IPO11: variants seen among roughly 807,000 people sequenced by gnomAD.
The protein encoded by IPO11 is importin 11, also known as importin-11.
Under a neutral mutation model 143.2 loss-of-function variants are expected in IPO11, and 66 were observed. The ratio of observed to expected loss-of-function variants is 0.46; its 90% CI spans 0.38 to 0.57. The LOEUF (loss-of-function observed/expected upper bound fraction) is 0.57, where lower values mean the gene tolerates loss of function less well. IPO11 is among the 20% of genes least tolerant of loss of function. The pLI is 0.00. For synonymous variants in IPO11, 385 were observed against 377.8 expected, an observed-to-expected ratio of 1.02 and a Z score of -0.22; for missense variants, 1,026 against 1,141.0, an observed-to-expected ratio of 0.90 and a Z score of 1.45.
intron 16 of IPO11, among the ~76,000 whole-genome samples, chr5:62,495,317 G>A (rs528530757): frequency 6.6e-6 from 1 of 152,138 alleles, no homozygotes; most frequent in South Asian, 2.1e-4. Flanking sequence ...AATAACTTTA[G>A]AATAAAGCAT....
chr5:62,623,620 A>C (rs892825612), intron 29 of IPO11, among the ~76,000 whole-genome samples: 4 of 144,366 alleles, frequency 2.8e-5, no homozygotes, highest in Non-Finnish European at 4.6e-5. Context: ...TTCTATGGGT[A>C]TTTCTTTCTT....
chr5:62,608,192 A>C (rs1745797789), intron 29 of IPO11, among the ~76,000 whole-genome samples: 1 of 152,028 alleles, frequency 6.6e-6, no homozygotes. Context: ...CTTCCTTACT[A>C]ATCATTCCTT....
chr5:62,444,883 G>C (rs1416969851), intron 3 of IPO11, among the ~76,000 whole-genome samples: 2 of 150,842 alleles, frequency 1.3e-5, no homozygotes, highest in South Asian at 2.1e-4. Flanking sequence ...GAGAGAGAGA[G>C]AGACATATAT....
chr5:62,488,302 TA>T (rs1264451974), intron 13 of IPO11, among the ~76,000 whole-genome samples: 1 of 152,258 alleles, frequency 6.6e-6, no homozygotes, highest in Non-Finnish European at 1.5e-5. Flanking sequence ...ATTATCTGCC[TA>T]TTAACTAACA....
chr5:62,437,135 AAGAT>A (rs2112131091), intron 1 of IPO11, 135 bp from the exon 2 acceptor site: 1 of 557,814 alleles, frequency 1.8e-6, no homozygotes, highest in African/African-American at 1.9e-5. Flanking sequence ...ATACTTAGAA[AAGAT>A]AGAAAGGCAG....
intron 5 of IPO11, among the ~76,000 whole-genome samples, chr5:62,454,493 CTA>C (rs1745055337): frequency 6.6e-6 from 1 of 152,172 alleles, no homozygotes; most frequent in Non-Finnish European, 1.5e-5. Flanking sequence ...AGTTCACTCT[CTA>C]ATATGTTGCC....
chr5:62,467,371 G>C, intron 6 of IPO11, 108 bp downstream of exon 6: 10 of 1,186,020 alleles, frequency 8.4e-6, no homozygotes, highest in African/African-American at 1.5e-5. Context: ...GGAAAAATAA[G>C]AGGTTTATTT....
chr5:62,601,570 C>T (rs1745508542), intron 28 of IPO11, among the ~76,000 whole-genome samples, 194 bp from the exon 29 acceptor site: 1 of 151,814 alleles, frequency 6.6e-6, no homozygotes, highest in Non-Finnish European at 1.5e-5. Context: ...TAGTGTGGCC[C>T]TTTTTATAGT....
At chr5:62,480,020 T>A (rs1425722644) in intron 9 of IPO11, among the ~76,000 whole-genome samples, 1 of 152,220 alleles carries the variant, frequency 6.6e-6, no homozygotes, top group Non-Finnish European at 1.5e-5. Flanking sequence ...TGCCCATACC[T>A]ATGTCCTGAA....
chr5:62,548,632 G>GTCTTATTTTCTTTCT (rs1409828354), intron 24 of IPO11, among the ~76,000 whole-genome samples: 1 of 152,070 alleles, frequency 6.6e-6, no homozygotes, highest in African/African-American at 2.4e-5. Flanking sequence ...CTTTCAACCA[G>GTCTTATTTTCTTTCT]TCTTATTTTC....
At chr5:62,477,698 C>G (rs1746009415) in intron 9 of IPO11, among the ~76,000 whole-genome samples, 1 of 152,204 alleles carries the variant, frequency 6.6e-6, no homozygotes, top group African/African-American at 2.4e-5. Context: ...CTCACAGTCC[C>G]TACTCACTAT....
chr5:62,502,793 TTTTCTTTTCC>T (rs1257464334), intron 16 of IPO11, among the ~76,000 whole-genome samples: 2 of 152,002 alleles, frequency 1.3e-5, no homozygotes, highest in Admixed American at 6.6e-5. Flanking sequence ...ATTTCTTTTC[TTTTCTTTTCC>T]TTTCCTTTCC....
chr5:62,519,258 A>G (rs1029473433), intron 20 of IPO11, among the ~76,000 whole-genome samples: 1 of 152,152 alleles, frequency 6.6e-6, no homozygotes, highest in Non-Finnish European at 1.5e-5. Context: ...AGGTTTATAT[A>G]TTGATCAGTT....
intron 19 of IPO11, chr5:62,512,526 A>G (rs1363057842): frequency 1.0e-5 from 7 of 669,810 alleles, no homozygotes; most frequent in South Asian, 1.0e-4. Context: ...GAATATTTAT[A>G]TCCCTAGAAC....
At chr5:62,520,374 G>A (rs1742163856) in intron 20 of IPO11, among the ~76,000 whole-genome samples, 1 of 149,808 alleles carries the variant, frequency 6.7e-6, no homozygotes, top group African/African-American at 2.5e-5. Context: ...AGATACGACA[G>A]ATTTTTTTTT....
At chr5:62,483,035 T>G in intron 9 of IPO11, 66 bp from the exon 10 acceptor site, 1 of 990,538 alleles carries the variant, frequency 1.0e-6, no homozygotes. Context: ...ATAATTGGAG[T>G]GATTATATTC....
chr5:62,535,954 G>T (rs1742719124), intron 22 of IPO11, among the ~76,000 whole-genome samples: 1 of 152,006 alleles, frequency 6.6e-6, no homozygotes, highest in Non-Finnish European at 1.5e-5. Context: ...ATTTTAAGTA[G>T]TGAAACATGT....
At position 62,536,707 on chromosome 5, in the gene IPO11, A is replaced by T; in HGVS notation, c.2095A>T (p.Ser699Cys). 1 of 1,574,620 alleles carries T rather than the reference A, an allele frequency of 6.4e-7. No individual in the cohort carries two copies. The change falls in exon 23 of 30, where the codon AGT (serine) becomes TGT (cysteine). Residue 699 changes from serine (S) to cysteine (C), a missense_variant. Around this residue, in one of 5 missense-constraint regions of IPO11, gnomAD observed 351 missense variants for 358.9 expected, o/e 0.98. Transcript: ENST00000325324. ...FQNMSPLLEL[S>C]SENLRTCFKI... is the part of the protein sequence containing the mutation. ...GACATTTATTGTTTTGGCAGAACTA[A>T]GTTCAGAAAATCTTAGAACTTGCTT...
chr5:62,543,312 TC>T (rs1168707812), intron 24 of IPO11, among the ~76,000 whole-genome samples: 1 of 152,204 alleles, frequency 6.6e-6, no homozygotes, highest in Non-Finnish European at 1.5e-5. Flanking sequence ...ATCCGTCTGA[TC>T]CTGGAGTATT....
Sources: allele counts gnomAD v4.1 joint callset (sites outside exome capture counted in the v4.1 genomes callset), GRCh38; gene constraint gnomAD v4.1.1; regional missense constraint gnomAD v4.1.1; transcripts MANE v1.5; gene names NCBI Gene and HGNC (gene_info 2026-07-23, HGNC 2026-07-21).